CAP1: variants seen among roughly 807,000 people sequenced by gnomAD.
CAP1 encodes the protein cyclase associated actin cytoskeleton regulatory protein 1, also known as adenylyl cyclase-associated protein 1.
Under a neutral mutation model 58.2 loss-of-function variants are expected in CAP1, and 11 were observed. The observed-to-expected ratio is 0.19, with a 90% CI of 0.12 to 0.31. The LOEUF is 0.31. CAP1 is among the 10% of genes least tolerant of loss of function. The probability of loss-of-function intolerance (pLI) is 1.00; values close to 1 mark genes in which losing one functional copy is unlikely to be tolerated. For synonymous variants in CAP1, 183 were observed against 213.8 expected (o/e 0.86, Z 1.26); for missense variants, 423 against 587.5 (o/e 0.72, Z 2.89).
At chr1:40,045,058 A>G (rs1327027900) in intron 1 of CAP1, among the ~76,000 whole-genome samples, 1 of 151,954 alleles carries the variant, frequency 6.6e-6, no homozygotes, top group Non-Finnish European at 1.5e-5. Flanking sequence ...TGCTGGGATT[A>G]CAGGTGTGAG....
intron 6 of CAP1, among the ~76,000 whole-genome samples, chr1:40,065,944 A>C (rs1647049339): frequency 6.6e-6 from 1 of 152,190 alleles, no homozygotes; most frequent in South Asian, 2.1e-4. Context: ...GAAAAAAAAA[A>C]GTTTTGGTAC....
At chr1:40,052,831 C>T (rs1183080352) in intron 1 of CAP1, among the ~76,000 whole-genome samples, 2 of 152,062 alleles carry the variant, frequency 1.3e-5, no homozygotes, top group Admixed American at 1.3e-4. Flanking sequence ...TGGCTCACGC[C>T]TGTAATCCCA....
At chr1:40,068,391 C>CTCAGTAA (rs1647210208) in intron 8 of CAP1, among the ~76,000 whole-genome samples, 1 of 152,124 alleles carries the variant, frequency 6.6e-6, no homozygotes, top group South Asian at 2.1e-4. Context: ...CTGCCTCAGC[C>CTCAGTAA]TCCCGAGTAC....
intron 1 of CAP1, among the ~76,000 whole-genome samples, chr1:40,046,103 T>C (rs1240398818): frequency 4.6e-5 from 7 of 152,214 alleles, no homozygotes; most frequent in African/African-American, 7.2e-5. Context: ...CCTGTTTTGT[T>C]TGTGTTCCTT....
chr1:40,070,114 C>T (rs201291681), intron 9 of CAP1, 45 bp from the exon 10 acceptor site: 76 of 1,607,254 alleles, frequency 4.7e-5, no homozygotes, highest in South Asian at 7.7e-5. Flanking sequence ...ATTTTTTGTT[C>T]GGTGTGTGCT....
At chr1:40,063,887 A>G (rs1482270558) in intron 4 of CAP1, among the ~76,000 whole-genome samples, 2 of 152,186 alleles carry the variant, frequency 1.3e-5, no homozygotes, top group African/African-American at 4.8e-5. Flanking sequence ...CATGGGAAAA[A>G]AAGAGAACAT....
rs1557702616 is a variant in CAP1 at position 40,072,268 on chromosome 1, A to AAAAAC, written c.*738_*739insACAAA. Reference sequence around the variant, plus strand: ...CTTTAAAAGGAAAAAAAAAAAAAAAAAAACCCACATGATTTCAAGGAGTCT... The same window carrying AAAAAC: ...CTTTAAAAGGAAAAAAAAAAAAAAAAAAAACAAACCCACATGATTTCAAGGAGTCT... On this transcript the variant is annotated 3_prime_UTR_variant, in exon 13 of 13. Transcript: ENST00000372805. 4 of 334,082 alleles carry AAAAAC rather than the reference A, an allele frequency of 1.2e-5. No homozygotes were observed. The highest frequency in any genetic ancestry group is 1.6e-5 in the Non-Finnish European group (3 of 189,406). 20.7% of individuals were successfully genotyped at this position (334,082 alleles called of 1,614,324 possible).
chr1:40,071,840 T>G lies in CAP1; in HGVS notation c.*307T>G, dbSNP rs1648101831. On this transcript the variant is annotated 3_prime_UTR_variant, in exon 13 of 13. Coordinates refer to ENST00000372805, the MANE Select transcript of CAP1 (RefSeq NM_006367.4). ...TTTAGCTTTGAGCTTTTGGGGGTTA[T>G]TCTACCAACAAACAGTCCATTGGAA... 2.1e-6 allele frequency: 1 copy of G among 467,668 alleles called. No individual in the cohort carries two copies. The highest frequency in any genetic ancestry group is 2.0e-5 in the African/African-American group (1 of 51,078). 29.0% of individuals were successfully genotyped at this position (467,668 alleles called of 1,614,324 possible).
At chr1:40,070,328 A>G (rs1161463543) in intron 10 of CAP1, 46 bp downstream of exon 10, 2 of 1,613,238 alleles carry the variant, frequency 1.2e-6, no homozygotes, top group Non-Finnish European at 1.7e-6. Flanking sequence ...CCAGAGCCCG[A>G]GAAGGCTAAT....
At position 40,069,239 on chromosome 1, in the gene CAP1, T is replaced by C. The variant is rs1247904778; in HGVS notation, c.809-451T>C. ...TGATTATAACCAACAAAACCAAATA[T>C]ATGTAGAAAACAATATTGTAGAGTT... On this transcript the variant is annotated intron_variant, in intron 8 of 12. Coordinates refer to ENST00000372805, the MANE Select transcript of CAP1 (RefSeq NM_006367.4). Among the ~76,000 whole-genome samples the C allele has an allele frequency of 1.3e-5, 2 of 152,180 alleles. 1 individual carries two copies. The highest frequency in any genetic ancestry group is 2.9e-5 in the Non-Finnish European group (2 of 68,032).
chr1:40,054,603 T>C (rs1646532191), intron 1 of CAP1, among the ~76,000 whole-genome samples: 1 of 152,190 alleles, frequency 6.6e-6, no homozygotes, highest in African/African-American at 2.4e-5. Flanking sequence ...GGCCATAAAC[T>C]CTTAGACTCT....
In CAP1 at chr1:40,069,751, T is replaced by C. The variant is rs1647453350; in HGVS notation, c.870T>C (p.Ser290=). Residue 290 remains serine (S), a synonymous_variant, in exon 9 of 13, where the codon AGT becomes AGC. Transcript: ENST00000372805. ...THKNPALKAQ[S]GPVRSGPKPF... ...AGAACCCTGCCCTGAAGGCTCAGAG[T>C]GGTCCAGTACGCAGTGGCCCCAAAC... 6.2e-7 allele frequency: 1 copy of C among 1,613,648 alleles called. No individual in the cohort carries two copies. Among genetic ancestry groups the C allele is most frequent in the Middle Eastern group, 1.7e-4 (1 of 6,058 alleles).
At chr1:40,061,890 C>A in intron 4 of CAP1, 78 bp downstream of exon 4, 1 of 1,110,400 alleles carries the variant, frequency 9.0e-7, no homozygotes, top group Non-Finnish European at 1.4e-6. Context: ...GCTATTATAA[C>A]ATTTTAAAAT....
At chr1:40,066,132 A>G in intron 6 of CAP1, 83 bp from the exon 7 acceptor site, 1 of 767,632 alleles carries the variant, frequency 1.3e-6, no homozygotes, top group Non-Finnish European at 2.3e-6. Flanking sequence ...GGAGAATGTG[A>G]GCCCATAGGA....
chr1:40,064,717 A>C (rs1647001424), intron 6 of CAP1, among the ~76,000 whole-genome samples, 158 bp downstream of exon 6: 1 of 152,096 alleles, frequency 6.6e-6, no homozygotes, highest in South Asian at 2.1e-4. Context: ...CTGGGACTTC[A>C]GGCACGCTCC....
At chr1:40,066,785 T>C (rs1647106008) in intron 7 of CAP1, among the ~76,000 whole-genome samples, 1 of 152,238 alleles carries the variant, frequency 6.6e-6, no homozygotes, top group African/African-American at 2.4e-5. Context: ...CAGTGAGAAG[T>C]GGGATACTAC....
At chr1:40,070,631 T>C (rs1647739264) in intron 11 of CAP1, 119 bp downstream of exon 11, 1 of 1,010,050 alleles carries the variant, frequency 9.9e-7, no homozygotes, top group African/African-American at 1.6e-5. Context: ...TAAGCTGAGC[T>C]GCTTTGGACG....
intron 1 of CAP1, 28 bp from the exon 2 acceptor site, chr1:40,059,309 A>T: frequency 7.8e-7 from 1 of 1,284,700 alleles, no homozygotes; most frequent in Non-Finnish European, 1.1e-6. Context: ...TATTTAAATA[A>T]CAAATGACAT....
intron 6 of CAP1, 89 bp downstream of exon 6, chr1:40,064,648 C>T (rs548118792): frequency 2.0e-5 from 19 of 964,034 alleles, no homozygotes; most frequent in Non-Finnish European, 2.8e-5. Context: ...ACAATCACAG[C>T]TCATTGCAGC....
Sources: allele counts gnomAD v4.1 joint callset (sites outside exome capture counted in the v4.1 genomes callset), GRCh38; gene constraint gnomAD v4.1.1; transcripts MANE v1.5; gene names NCBI Gene and HGNC (gene_info 2026-07-23, HGNC 2026-07-21).